The following CCDC171 variants were observed in gnomAD, a reference collection of about 807,000 sequenced individuals.
CCDC171 encodes coiled-coil domain containing 171.
Under a neutral mutation model 168.2 loss-of-function variants are expected in CCDC171, and 177 were observed. The ratio of observed to expected loss-of-function variants is 1.05; its 90% CI spans 0.93 to 1.19. The LOEUF (loss-of-function observed/expected upper bound fraction) is 1.19, where lower values mean the gene tolerates loss of function less well. CCDC171 is among the 50% of genes most tolerant of loss of function. The pLI is 0.00. For synonymous variants in CCDC171, 687 were observed against 540.8 expected, an observed-to-expected ratio of 1.27 and a Z score of -3.75; for missense variants, 1,991 against 1,539.0, an observed-to-expected ratio of 1.29 and a Z score of -4.91.
At position 15,729,812 on chromosome 9, in the gene CCDC171, A is replaced by C. The variant is rs1167997233; in HGVS notation, c.2049+14A>C. ...AAGAGGGCACAGGTATGCTACCTTT[A>C]CAAAGAGCTTTAAAAAATGGGTTAC... On this transcript the variant is annotated intron_variant, in intron 16 of 25. Coordinates refer to ENST00000380701, the MANE Select transcript of CCDC171 (RefSeq NM_173550.4). The C allele has an allele frequency of 6.3e-7, 1 of 1,588,854 alleles. No individual in the cohort carries two copies. The highest frequency in any genetic ancestry group is 1.1e-5 in the South Asian group (1 of 87,208).
chr9:16,102,560 A>G, the CCDC171 span, among the ~76,000 whole-genome samples: 1 of 152,100 alleles, frequency 6.6e-6, no homozygotes, highest in Admixed American at 6.5e-5. Context: ...AACCGTCTAG[A>G]ACCTCCTTAG....
chr9:15,602,521 T>G (rs2663298), intron 6 of CCDC171, among the ~76,000 whole-genome samples: 1 of 152,006 alleles, frequency 6.6e-6, no homozygotes, highest in African/African-American at 2.4e-5. Flanking sequence ...TTTTCTTTCT[T>G]GGAGATTGGA....
At chr9:15,816,226 G>C (rs1233941380) in intron 21 of CCDC171, among the ~76,000 whole-genome samples, 1 of 116,674 alleles carries the variant, frequency 8.6e-6, no homozygotes, top group Non-Finnish European at 1.9e-5. Flanking sequence ...ACTAACCTTT[G>C]ATTAGATCAT....
At chr9:15,909,988 A>T (rs983815656) in intron 24 of CCDC171, among the ~76,000 whole-genome samples, 1 of 152,144 alleles carries the variant, frequency 6.6e-6, no homozygotes, top group Non-Finnish European at 1.5e-5. Context: ...AATATCTGTT[A>T]TTCCACTCTG....
rs568985130 is a variant in CCDC171, at chr9:16,055,842, G to C, written n.90-4804G>C. 5.3e-5 allele frequency among the ~76,000 whole-genome samples: 8 copies of C among 152,374 alleles called. No homozygotes were observed. The South Asian group carries it at 1.7e-3, about 32-fold the overall frequency. ...TCTGTGTATGTTAGGAACTATTGCA[G>C]AATGCAGTAATTTCTCTGGGCTCTT... On this transcript the variant is annotated intron_variant and non_coding_transcript_variant, in intron 1 of 1. Coordinates refer to the CCDC171 transcript ENST00000478913.
At chr9:15,642,127 C>G (rs932453247) in intron 7 of CCDC171, among the ~76,000 whole-genome samples, 3 of 151,676 alleles carry the variant, frequency 2.0e-5, no homozygotes, top group Non-Finnish European at 2.9e-5. Flanking sequence ...CACCACTGTA[C>G]TCTAGCCTGG....
chr9:15,570,492 T>G (rs768829578), intron 2 of CCDC171, among the ~76,000 whole-genome samples: 4 of 152,178 alleles, frequency 2.6e-5, no homozygotes, highest in Non-Finnish European at 5.9e-5. Context: ...TATTAGATGC[T>G]TATTAAACTT....
At chr9:15,695,017 T>A (rs2051108357) in intron 10 of CCDC171, among the ~76,000 whole-genome samples, 1 of 152,210 alleles carries the variant, frequency 6.6e-6, no homozygotes, top group African/African-American at 2.4e-5. Flanking sequence ...CTTAGAATAG[T>A]GCCAGGCACT....
intron 7 of CCDC171, 91 bp from the exon 8 acceptor site, chr9:15,657,036 C>G (rs1203917431): frequency 6.8e-6 from 4 of 587,112 alleles, no homozygotes; most frequent in African/African-American, 5.7e-5. Flanking sequence ...GTCCACTAAT[C>G]TAAAGTGTTA....
chr9:15,774,637 A>C (rs540288619), intron 18 of CCDC171, among the ~76,000 whole-genome samples: 25 of 152,344 alleles, frequency 1.6e-4, no homozygotes, highest in African/African-American at 5.1e-4. Context: ...GTCGTTATAC[A>C]AAAAAGATAC....
chr9:15,650,739 A>T (rs1377916657), intron 7 of CCDC171, among the ~76,000 whole-genome samples: 1 of 152,178 alleles, frequency 6.6e-6, no homozygotes, highest in African/African-American at 2.4e-5. Context: ...TTGTATTGTT[A>T]CATAAAATTT....
the CCDC171 span, among the ~76,000 whole-genome samples, chr9:16,083,414 A>G: frequency 2.6e-5 from 4 of 152,224 alleles, no homozygotes; most frequent in Admixed American, 2.6e-4. Flanking sequence ...GAGAGAACCA[A>G]AGTTGGAAAC....
At chr9:15,928,205 T>C (rs1225340738) in intron 25 of CCDC171, among the ~76,000 whole-genome samples, 1 of 151,676 alleles carries the variant, frequency 6.6e-6, no homozygotes, top group Admixed American at 6.6e-5. Flanking sequence ...ATTGTACAAG[T>C]AATTAAAAGA....
intron 10 of CCDC171, among the ~76,000 whole-genome samples, chr9:15,690,264 T>C (rs369705658): frequency 6.6e-6 from 1 of 152,158 alleles, no homozygotes; most frequent in Non-Finnish European, 1.5e-5. Context: ...CTGTATGTTA[T>C]GTCAATTATG....
At chr9:15,856,050 A>G (rs1374778673) in intron 23 of CCDC171, among the ~76,000 whole-genome samples, 1 of 151,964 alleles carries the variant, frequency 6.6e-6, no homozygotes, top group Non-Finnish European at 1.5e-5. Context: ...ACTGTCTAGT[A>G]TCCTTTCATT....
chr9:15,645,971 A>G (rs1244493836), intron 7 of CCDC171, among the ~76,000 whole-genome samples: 2 of 152,166 alleles, frequency 1.3e-5, no homozygotes, highest in Non-Finnish European at 2.9e-5. Context: ...TGAAATGAAG[A>G]TAAAAATGTT....
chr9:16,022,143 C>T (rs1401491861), intron 4 of CCDC171, among the ~76,000 whole-genome samples: 2 of 152,142 alleles, frequency 1.3e-5, no homozygotes, highest in Non-Finnish European at 1.5e-5. Context: ...GCTACTCCAG[C>T]AGTGAGCAGT....
intron 7 of CCDC171, among the ~76,000 whole-genome samples, chr9:15,648,030 A>G (rs1012819252): frequency 1.3e-5 from 2 of 152,220 alleles, no homozygotes; most frequent in African/African-American, 2.4e-5. Flanking sequence ...CCAGCAGCAC[A>G]TCGAAAAGCT....
chr9:15,652,214 A>G (rs1226610011), intron 7 of CCDC171, among the ~76,000 whole-genome samples: 1 of 152,300 alleles, frequency 6.6e-6, no homozygotes, highest in Non-Finnish European at 1.5e-5. Context: ...ATTTTTTTAT[A>G]TGATATGAGG....
Sources: allele counts gnomAD v4.1 joint callset (sites outside exome capture counted in the v4.1 genomes callset), GRCh38; gene constraint gnomAD v4.1.1; transcripts MANE v1.5; gene names NCBI Gene and HGNC (gene_info 2026-07-23, HGNC 2026-07-21).